Variants in BPTF observed in about 807,000 individuals in gnomAD.
BPTF encodes bromodomain PHD finger transcription factor, also known as nucleosome-remodeling factor subunit BPTF.
BPTF carries 18 observed loss-of-function variants against 292.5 expected under a neutral mutation model. That is an observed-to-expected ratio of 0.06 (90% CI 0.04 to 0.09). The LOEUF (loss-of-function observed/expected upper bound fraction) is 0.09, where lower values mean the gene tolerates loss of function less well. Among genes scored for constraint, BPTF ranks in the 10% least tolerant of loss-of-function variants. The pLI is 1.00. For synonymous variants in BPTF, 1,225 were observed against 1,251.9 expected, an observed-to-expected ratio of 0.98 and a Z score of 0.45; for missense variants, 2,726 against 3,498.7, an observed-to-expected ratio of 0.78 and a Z score of 5.57.
intron 1 of BPTF, among the ~76,000 whole-genome samples, chr17:67,850,454 C>T (rs1279706672): frequency 2.0e-5 from 3 of 152,118 alleles, no homozygotes; most frequent in Admixed American, 6.5e-5. Context: ...CTGCAACCTC[C>T]GTCTCCTGGG....
intron 1 of BPTF, among the ~76,000 whole-genome samples, chr17:67,830,701 ACT>A (rs1326449476): frequency 6.6e-6 from 1 of 152,086 alleles, no homozygotes; most frequent in Admixed American, 6.6e-5. Flanking sequence ...GTCTCAAGTA[ACT>A]CGGTTTAGCA....
chr17:67,911,247 A>G lies in BPTF; in HGVS notation c.3363A>G (p.Arg1121=), dbSNP rs750358782. The part of the protein sequence containing the change: ...AKEGCQSDSM[R]QEQSPNANND... ...AAGGGTGTCAGAGTGACTCGATGAGACAAGAACAGAGCCCAAATGCAAATA... is the reference window on the plus strand; with the variant it reads ...AAGGGTGTCAGAGTGACTCGATGAGGCAAGAACAGAGCCCAAATGCAAATA... The change falls in exon 11 of 28, where the codon AGA becomes AGG. Residue 1121 remains arginine, a synonymous_variant. Transcript: ENST00000306378. The G allele has an allele frequency of 2.5e-6, 4 of 1,614,060 alleles. No homozygotes were observed. The highest frequency in any genetic ancestry group is 2.2e-5 in the South Asian group (2 of 91,084).
intron 3 of BPTF, among the ~76,000 whole-genome samples, chr17:67,867,044 T>C (rs1057250352): frequency 1.8e-4 from 27 of 152,266 alleles, no homozygotes; most frequent in African/African-American, 6.3e-4. Context: ...TATAATCTTA[T>C]GTGATCACCA....
At chr17:67,927,008 G>T (rs1459583136) in intron 15 of BPTF, among the ~76,000 whole-genome samples, 2 of 151,802 alleles carry the variant, frequency 1.3e-5, no homozygotes, top group Non-Finnish European at 2.9e-5. Flanking sequence ...GAGAAATTGT[G>T]TAAAGTACTT....
intron 8 of BPTF, 62 bp from the exon 9 acceptor site, chr17:67,904,640 A>T: frequency 1.6e-6 from 2 of 1,261,738 alleles, no homozygotes; most frequent in Admixed American, 4.6e-5. Flanking sequence ...GCATAAAACC[A>T]CATGTGGTTT....
At chr17:67,933,043 A>G (rs1456188725) in intron 18 of BPTF, among the ~76,000 whole-genome samples, 1 of 152,078 alleles carries the variant, frequency 6.6e-6, no homozygotes, top group African/African-American at 2.4e-5. Flanking sequence ...ACCTGAGGTC[A>G]GGAGTTTGAG....
chr17:67,887,109 G>A (rs1418279030), intron 4 of BPTF, among the ~76,000 whole-genome samples: 1 of 152,132 alleles, frequency 6.6e-6, no homozygotes, highest in Non-Finnish European at 1.5e-5. Flanking sequence ...ATACATTTCT[G>A]TTTCCTTATT....
chr17:67,978,142 C>G (rs550763390), intron 27 of BPTF, among the ~76,000 whole-genome samples: 1 of 151,720 alleles, frequency 6.6e-6, no homozygotes, highest in South Asian at 2.1e-4. Context: ...GCGTGAGCCA[C>G]CGCACCCGGC....
At chr17:67,919,391 GA>G (rs1460490880) in intron 12 of BPTF, among the ~76,000 whole-genome samples, 1 of 151,688 alleles carries the variant, frequency 6.6e-6, no homozygotes, top group Non-Finnish European at 1.5e-5. Context: ...AATTTAAAAA[GA>G]AAAAAATCAA....
At chr17:67,972,536 G>A (rs1275073604) in intron 26 of BPTF, among the ~76,000 whole-genome samples, 6 of 152,122 alleles carry the variant, frequency 3.9e-5, no homozygotes, top group Admixed American at 2.6e-4. Context: ...GAGCCACTGC[G>A]TCTGGCTATT....
chr17:67,977,254 C>T (rs1355701296), intron 27 of BPTF, among the ~76,000 whole-genome samples: 3 of 152,144 alleles, frequency 2.0e-5, no homozygotes, highest in African/African-American at 4.8e-5. Context: ...GTGGCTCACG[C>T]CTGTAATCCC....
intron 1 of BPTF, among the ~76,000 whole-genome samples, chr17:67,847,994 T>A (rs1205898492): frequency 6.6e-6 from 1 of 152,178 alleles, no homozygotes; most frequent in African/African-American, 2.4e-5. Context: ...AGTTCTGGAG[T>A]ATTAACTTCG....
Position 67,912,990 on chromosome 17 carries a change from T to C in BPTF, c.5106T>C (p.Gly1702=). 6.2e-7 allele frequency: 1 copy of C among 1,614,176 alleles called. No individual in the cohort carries two copies. The highest frequency in any genetic ancestry group is 8.5e-7 in the Non-Finnish European group (1 of 1,180,026). The change falls in exon 11 of 28, where the codon GGT becomes GGC. Residue 1702 remains glycine (G), a synonymous_variant. Coordinates refer to ENST00000306378, the MANE Select transcript of BPTF (RefSeq NM_182641.4). The stretch of plus-strand genomic sequence containing the variant: ...CAAGACCAAAGAAGACTCGTTCAGG[T>C]ACAGCTCTGCCATCCTATAGAAAAT... ...KFSRPKKTRS[G]TALPSYRKFV... is the part of the protein sequence containing the mutation.
intron 7 of BPTF, among the ~76,000 whole-genome samples, chr17:67,897,792 A>G (rs1354517988): frequency 6.6e-6 from 1 of 152,246 alleles, no homozygotes; most frequent in African/African-American, 2.4e-5. Flanking sequence ...CTTTTCTACC[A>G]GAATAGAAAA....
intron 7 of BPTF, among the ~76,000 whole-genome samples, chr17:67,895,495 A>G (rs1339902452): frequency 7.5e-6 from 1 of 133,680 alleles, no homozygotes; most frequent in Non-Finnish European, 1.6e-5. Flanking sequence ...ACAGGATCTC[A>G]CTGTCACCCA....
chr17:67,937,508 C>A (rs1265838552), intron 18 of BPTF, among the ~76,000 whole-genome samples: 1 of 152,046 alleles, frequency 6.6e-6, no homozygotes, highest in Non-Finnish European at 1.5e-5. Flanking sequence ...GAGAAGGACT[C>A]ACTAACAAGA....
chr17:67,944,061 A>T (rs2065608915), intron 19 of BPTF, 89 bp from the exon 20 acceptor site: 1 of 959,048 alleles, frequency 1.0e-6, no homozygotes, highest in East Asian at 2.4e-5. Context: ...ATATTAAAAG[A>T]TAATTACACA....
intron 7 of BPTF, 101 bp from the exon 8 acceptor site, chr17:67,903,688 A>G (rs1326060138): frequency 3.6e-6 from 4 of 1,113,254 alleles, no homozygotes; most frequent in Non-Finnish European, 3.7e-6. Context: ...TTGTAGGATT[A>G]TAACAGTCTG....
At chr17:67,861,467 C>T (rs1488469693) in intron 2 of BPTF, among the ~76,000 whole-genome samples, 3 of 151,892 alleles carry the variant, frequency 2.0e-5, no homozygotes, top group Non-Finnish European at 4.4e-5. Context: ...CGGGCGGCCG[C>T]CACCACACCT....
Sources: allele counts gnomAD v4.1 joint callset (sites outside exome capture counted in the v4.1 genomes callset), GRCh38; gene constraint gnomAD v4.1.1; transcripts MANE v1.5; gene names NCBI Gene and HGNC (gene_info 2026-07-23, HGNC 2026-07-21).